TENM2: variants seen among roughly 807,000 people sequenced by gnomAD.
TENM2 encodes the protein teneurin-2.
In TENM2, 52 loss-of-function variants were observed where a neutral mutation model predicts 245.2. The ratio of observed to expected loss-of-function variants is 0.21; its 90% CI spans 0.17 to 0.27. The LOEUF (loss-of-function observed/expected upper bound fraction) is 0.27, where lower values mean the gene tolerates loss of function less well. Ranked by LOEUF, TENM2 falls within the 10% of genes least tolerant of loss-of-function variation. The probability of loss-of-function intolerance (pLI) is 1.00; values close to 1 mark genes in which losing one functional copy is unlikely to be tolerated. For synonymous variants in TENM2, 1,363 were observed against 1,438.9 expected (o/e 0.95, Z 1.19); for missense variants, 3,046 against 3,666.8 (o/e 0.83, Z 4.37).
chr5:167,821,516 G>A (rs1219833358), intron 2 of TENM2, among the ~76,000 whole-genome samples: 3 of 152,078 alleles, frequency 2.0e-5, no homozygotes, highest in Non-Finnish European at 4.4e-5. Context: ...GACAATTATG[G>A]GATGTCCTTT....
chr5:167,331,825 G>A (rs1187202662), intron 1 of TENM2, among the ~76,000 whole-genome samples: 1 of 152,162 alleles, frequency 6.6e-6, no homozygotes, highest in Non-Finnish European at 1.5e-5. Flanking sequence ...CCCAAGTGGT[G>A]TGGAAAACAA....
chr5:167,906,117 A>G (rs1776067283), intron 3 of TENM2, among the ~76,000 whole-genome samples: 1 of 152,220 alleles, frequency 6.6e-6, no homozygotes, highest in South Asian at 2.1e-4. Flanking sequence ...AATGTGCGCC[A>G]GCCCCAAGAT....
At position 168,139,879 on chromosome 5, in the gene TENM2, A is replaced by G. The variant is rs553833265; in HGVS notation, c.2422+12913A>G. On this transcript the variant is annotated intron_variant, in intron 12 of 28. Coordinates refer to ENST00000518659, the Ensembl canonical transcript of TENM2. ...AATTTCCAATTTTTCAGTAGAGGCC[A>G]GATATTTGGATTGTTATGTATGGTC... is the stretch of plus-strand genomic sequence containing the variant. Among the ~76,000 whole-genome samples, 5 of 152,318 alleles carry G rather than the reference A, an allele frequency of 3.3e-5. No homozygotes were observed. In the East Asian group the frequency reaches 9.6e-4, roughly 29 times the overall value.
the TENM2 span, among the ~76,000 whole-genome samples, chr5:167,053,468 G>T: frequency 6.6e-6 from 1 of 152,116 alleles, no homozygotes; most frequent in African/African-American, 2.4e-5. Context: ...ACATATCCTT[G>T]CCTCTGAATA....
At chr5:168,061,729 T>C (rs752879653) in intron 6 of TENM2, among the ~76,000 whole-genome samples, 5 of 152,214 alleles carry the variant, frequency 3.3e-5, no homozygotes, top group Non-Finnish European at 7.3e-5. Flanking sequence ...CCCCTGCTGA[T>C]AAGTTTTACA....
chr5:167,872,538 AAGAAAGAAAG>A (rs879313163), intron 2 of TENM2, among the ~76,000 whole-genome samples: 1,649 of 47,188 alleles, frequency 0.035, 27 homozygotes, highest in Admixed American at 0.054. Context: ...GAAAGAAAGA[AAGAAAGAAAG>A]AGAAAGAAAG....
In TENM2 at chr5:168,052,573, A is replaced by G. The variant is rs966471914; in HGVS notation, c.1309+5024A>G. Among the ~76,000 whole-genome samples, 7 of 152,284 alleles carry G rather than the reference A, an allele frequency of 4.6e-5. No individual in the cohort carries two copies. The East Asian group carries it at 1.4e-3, about 29-fold the overall frequency. On this transcript the variant is annotated intron_variant, in intron 6 of 28. Coordinates refer to ENST00000518659, the Ensembl canonical transcript of TENM2. ...CACCTTTTTCCTTTACCTTCTAAGA[A>G]TTAACCAAACCCCAGATGAGGATTT... is the stretch of plus-strand genomic sequence containing the variant.
chr5:167,668,434 A>G (rs990912302), intron 2 of TENM2, among the ~76,000 whole-genome samples: 2 of 152,170 alleles, frequency 1.3e-5, no homozygotes, highest in Non-Finnish European at 2.9e-5. Flanking sequence ...CGTTCCACAA[A>G]TGTTAAATGC....
intron 2 of TENM2, among the ~76,000 whole-genome samples, chr5:167,610,819 T>C (rs1197239043): frequency 6.6e-6 from 1 of 152,176 alleles, no homozygotes; most frequent in Non-Finnish European, 1.5e-5. Context: ...AAATATATGA[T>C]CTGTGATTGG....
chr5:167,001,422 T>A, the TENM2 span, among the ~76,000 whole-genome samples: 1 of 152,154 alleles, frequency 6.6e-6, no homozygotes, highest in Non-Finnish European at 1.5e-5. Flanking sequence ...TTTCTTTATT[T>A]TACAGATCAG....
At chr5:167,524,028 T>TCATCTCAGTTAG (rs1357567068) in intron 2 of TENM2, among the ~76,000 whole-genome samples, 1 of 152,188 alleles carries the variant, frequency 6.6e-6, no homozygotes, top group African/African-American at 2.4e-5. Flanking sequence ...TACTGGTTAT[T>TCATCTCAGTTAG]CATCTCAGTT....
intron 1 of TENM2, among the ~76,000 whole-genome samples, chr5:167,317,263 C>A (rs552697946): frequency 6.6e-5 from 10 of 152,248 alleles, no homozygotes; most frequent in Admixed American, 5.9e-4. Context: ...TTGTCTTTGA[C>A]ATCAATTGAT....
At chr5:167,402,004 T>C (rs1221841599) in intron 2 of TENM2, among the ~76,000 whole-genome samples, 1 of 152,150 alleles carries the variant, frequency 6.6e-6, no homozygotes, top group Non-Finnish European at 1.5e-5. Context: ...GATTATTTAA[T>C]CATCATATAG....
At chr5:167,296,900 T>C (rs1754977440) in intron 1 of TENM2, among the ~76,000 whole-genome samples, 2 of 152,212 alleles carry the variant, frequency 1.3e-5, no homozygotes. Flanking sequence ...ACAATGACTG[T>C]GGCCACAGTC....
the TENM2 span, among the ~76,000 whole-genome samples, chr5:167,238,963 A>G: frequency 1.3e-5 from 2 of 152,354 alleles, no homozygotes; most frequent in South Asian, 4.1e-4. Context: ...ATTGAGGTGT[A>G]TAAAATATGA....
intron 2 of TENM2, among the ~76,000 whole-genome samples, chr5:167,557,510 G>A (rs61171873): frequency 0.018 from 2,678 of 152,276 alleles, 77 homozygotes; most frequent in African/African-American, 0.062. Flanking sequence ...ACAAGGTTAT[G>A]TAACAGTTTA....
intron 12 of TENM2, among the ~76,000 whole-genome samples, chr5:168,159,507 A>G (rs1294250983): frequency 6.6e-6 from 1 of 152,114 alleles, no homozygotes; most frequent in Non-Finnish European, 1.5e-5. Flanking sequence ...CAGACTAATT[A>G]CTTCCTAGGT....
intron 7 of TENM2, among the ~76,000 whole-genome samples, chr5:168,077,978 T>C (rs1791630554): frequency 6.6e-6 from 1 of 152,210 alleles, no homozygotes; most frequent in Non-Finnish European, 1.5e-5. Flanking sequence ...GTATTTCTAG[T>C]TCTAGATCCT....
chr5:167,217,928 G>A, the TENM2 span, among the ~76,000 whole-genome samples: 9 of 151,738 alleles, frequency 5.9e-5, no homozygotes, highest in African/African-American at 2.2e-4. Flanking sequence ...TGCTATTGCA[G>A]GACCCAGGTC....
Sources: gnomAD v4.1 joint callset for allele counts (sites outside exome capture counted in the v4.1 genomes callset) on GRCh38, gnomAD v4.1.1 for gene constraint, MANE v1.5 for transcripts, NCBI Gene and HGNC (gene_info 2026-07-23, HGNC 2026-07-21) for gene names.